The following SH3PXD2B variants were observed in gnomAD, a reference collection of about 807,000 sequenced individuals.
SH3PXD2B encodes the protein SH3 and PX domains 2B.
A neutral mutation model predicts 73.1 loss-of-function variants in SH3PXD2B; 37 were observed. The ratio of observed to expected loss-of-function variants is 0.51; its 90% CI spans 0.39 to 0.67. The LOEUF is 0.67. SH3PXD2B is among the 30% of genes least tolerant of loss of function. The pLI is 0.00. For synonymous variants in SH3PXD2B, 457 were observed against 480.5 expected, an observed-to-expected ratio of 0.95 and a Z score of 0.64; for missense variants, 1,053 against 1,197.8, an observed-to-expected ratio of 0.88 and a Z score of 1.78.
Position 172,338,799 on chromosome 5 carries a change from G to C in SH3PXD2B, c.2306C>G (p.Ser769Cys). The C allele has an allele frequency of 6.2e-7, 1 of 1,614,216 alleles. No individual in the cohort carries two copies. The highest frequency in any genetic ancestry group is 8.5e-7 in the Non-Finnish European group (1 of 1,180,028). ...PRRPPPPKKTSSSSRPLPEVR... is the reference protein window; with the variant it reads ...PRRPPPPKKTCSSSRPLPEVR... ...CTCTGGGAGCGGCCTGGATGACGAA[G>C]AGGTTTTCTTTGGGGGAGGTGGTCT... The change falls in exon 13 of 13, where the codon TCT (serine) becomes TGT (cysteine). Residue 769 changes from serine (S) to cysteine (C), a missense_variant. Transcript: ENST00000311601. The surrounding 1 kb of genome is among the most constrained non-coding windows in gnomAD (Gnocchi z 5.1).
chr5:172,441,709 C>A (rs143161048), intron 1 of SH3PXD2B, among the ~76,000 whole-genome samples: 1 of 152,204 alleles, frequency 6.6e-6, no homozygotes, highest in East Asian at 1.9e-4. Context: ...AATGCCCCAA[C>A]CGAATCCAGC....
At chr5:172,340,061 C>A in intron 12 of SH3PXD2B, 145 bp from the exon 13 acceptor site, 2 of 1,459,334 alleles carry the variant, frequency 1.4e-6, no homozygotes, top group Non-Finnish European at 1.9e-6. Context: ...ACAGGGACCA[C>A]CAATGGAGAT....
At chr5:172,399,824 T>G (rs1758387504) in intron 3 of SH3PXD2B, among the ~76,000 whole-genome samples, 1 of 152,230 alleles carries the variant, frequency 6.6e-6, no homozygotes, top group South Asian at 2.1e-4. Flanking sequence ...CACACTGATT[T>G]ACCTGCTACA....
chr5:172,392,617 T>TAA (rs1758216213), intron 4 of SH3PXD2B, among the ~76,000 whole-genome samples: 2 of 113,612 alleles, frequency 1.8e-5, no homozygotes, highest in African/African-American at 7.7e-5. Context: ...CTACTAAAAA[T>TAA]ACAAAAAAAA....
rs1304350597 is a variant in SH3PXD2B at position 172,374,923 on chromosome 5, T to A, written c.402-1108A>T. ...AACGATCCCAGGAAATAAGTATTAT[T>A]CTTATTCCCATTTTACAGACGAGGA... On this transcript the variant is annotated intron_variant, in intron 5 of 12. Transcript: ENST00000311601. Among the ~76,000 whole-genome samples the A allele has an allele frequency of 5.3e-5, 8 of 152,308 alleles. No individual in the cohort carries two copies. The East Asian group carries it at 1.3e-3, about 26-fold the overall frequency.
At chr5:172,380,624 G>A (rs1049942887) in intron 5 of SH3PXD2B, among the ~76,000 whole-genome samples, 4 of 152,290 alleles carry the variant, frequency 2.6e-5, no homozygotes, top group Middle Eastern at 3.4e-3. Flanking sequence ...CAGCACGAGC[G>A]AAACACCCCA....
At chr5:172,376,795 C>T (rs139778235) in intron 5 of SH3PXD2B, among the ~76,000 whole-genome samples, 1 of 152,220 alleles carries the variant, frequency 6.6e-6, no homozygotes, top group Non-Finnish European at 1.5e-5. Flanking sequence ...TCACTGCGTC[C>T]GCATACATCC....
chr5:172,428,051 C>T (rs1333839449), intron 1 of SH3PXD2B, among the ~76,000 whole-genome samples: 5 of 152,176 alleles, frequency 3.3e-5, no homozygotes, highest in African/African-American at 9.7e-5. Flanking sequence ...GCTGGGATTA[C>T]AGGCATGAGC....
chr5:172,329,672 G>A (rs1349280537), downstream of SH3PXD2B, among the ~76,000 whole-genome samples: 1 of 151,534 alleles, frequency 6.6e-6, no homozygotes, highest in Non-Finnish European at 1.5e-5. Context: ...CAAGTAGATG[G>A]GACTACAGGC....
Position 172,333,860 on chromosome 5 carries a change from C to T in SH3PXD2B, c.*4509G>A. On this transcript the variant is annotated 3_prime_UTR_variant, in exon 13 of 13. Transcript: ENST00000311601. The stretch of plus-strand genomic sequence containing the variant: ...TCAAGGTGGCCACAGTTTATCATCA[C>T]CCCTCTAAGTGAAAGGGGCGCTAAC... 1 of 1,282,846 alleles carries T rather than the reference C, an allele frequency of 7.8e-7. No individual in the cohort carries two copies. The highest frequency in any genetic ancestry group is 1.0e-6 in the Non-Finnish European group (1 of 987,308). 79.5% of individuals were successfully genotyped at this position (1,282,846 alleles called of 1,614,324 possible).
chr5:172,350,380 T>A lies in SH3PXD2B; in HGVS notation c.995A>T (p.Asp332Val). The A allele has an allele frequency of 1.3e-5, 21 of 1,613,706 alleles. No homozygotes were observed. Among genetic ancestry groups the A allele is most frequent in the Non-Finnish European group, 1.8e-5 (21 of 1,180,002 alleles). ...TCACTCACTCTGCTTGGCGTCACCGTCGGGCACCGGGCGGCCTTCAAACCG... is the reference window on the plus strand; with the variant it reads ...TCACTCACTCTGCTTGGCGTCACCGACGGGCACCGGGCGGCCTTCAAACCG... Reference protein sequence around the residue: ...DGRFEGRPVPDGDAKQRSPKM... With the variant: ...DGRFEGRPVPVGDAKQRSPKM... Residue 332 changes from aspartate to valine, a missense_variant, in exon 10 of 13, where the codon GAC (aspartate) becomes GTC (valine). Transcript: ENST00000311601.
Position 172,359,709 on chromosome 5 carries a change from C to A in SH3PXD2B, c.563-832G>T, listed in dbSNP as rs536237646. 3.9e-5 allele frequency among the ~76,000 whole-genome samples: 6 copies of A among 152,272 alleles called. No homozygotes were observed. In the South Asian group the frequency reaches 1.2e-3, roughly 32 times the overall value. ...CTGTGGGAGGGAGAATAATGACCCCCTCCCCACAAAGATGTCTGTGTTCGA... is the reference window on the plus strand; with the variant it reads ...CTGTGGGAGGGAGAATAATGACCCCATCCCCACAAAGATGTCTGTGTTCGA... On this transcript the variant is annotated intron_variant, in intron 7 of 12. Coordinates refer to ENST00000311601, the MANE Select transcript of SH3PXD2B (RefSeq NM_001017995.3).
chr5:172,416,023 A>C (rs2113451311), intron 2 of SH3PXD2B, among the ~76,000 whole-genome samples: 1 of 152,232 alleles, frequency 6.6e-6, no homozygotes, highest in Admixed American at 6.5e-5. Context: ...TTGGAAGGTG[A>C]ATCTTCATAA....
Position 172,339,415 on chromosome 5 carries a change from T to C in SH3PXD2B, c.1690A>G (p.Met564Val), listed in dbSNP as rs747957440. The change falls in exon 13 of 13, where the codon ATG becomes GTG. Residue 564 changes from methionine to valine, a missense_variant. Met to Val is a conservative substitution (Grantham distance 21, BLOSUM62 1). Around this residue, in one of 2 missense-constraint regions of SH3PXD2B, gnomAD observed 587 missense variants for 590.7 expected, o/e 0.99. Coordinates refer to ENST00000311601, the MANE Select transcript of SH3PXD2B (RefSeq NM_001017995.3). This position sits in a 1 kb window ranked among gnomAD's most constrained non-coding sequence, Gnocchi z 6.1. ...GCTGGAGGGATGTGTTTGGCTGGCATCATCGGCAAAATCACGCCCGGAGGC... is the reference window on the plus strand; with the variant it reads ...GCTGGAGGGATGTGTTTGGCTGGCACCATCGGCAAAATCACGCCCGGAGGC... ...PKPPGVILPMMPAKHIPPARD... is the reference protein window; with the variant it reads ...PKPPGVILPMVPAKHIPPARD... 1.9e-6 allele frequency: 3 copies of C among 1,614,206 alleles called. No homozygotes were observed. The highest frequency in any genetic ancestry group is 2.5e-6 in the Non-Finnish European group (3 of 1,180,034).
intron 3 of SH3PXD2B, among the ~76,000 whole-genome samples, chr5:172,396,065 A>G (rs1230645534): frequency 1.3e-5 from 2 of 152,048 alleles, no homozygotes; most frequent in African/African-American, 4.8e-5. Context: ...AGAAAAGTCT[A>G]GTAAGGATTG....
At chr5:172,371,356 T>G (rs1199313280) in intron 6 of SH3PXD2B, among the ~76,000 whole-genome samples, 2 of 152,190 alleles carry the variant, frequency 1.3e-5, no homozygotes, top group African/African-American at 4.8e-5. Flanking sequence ...TGAGCAGAAT[T>G]TGAGACCACA....
intron 1 of SH3PXD2B, among the ~76,000 whole-genome samples, chr5:172,425,255 T>C (rs114910983): frequency 1.3e-5 from 2 of 152,112 alleles, no homozygotes; most frequent in Admixed American, 6.5e-5. Context: ...ACCGACTGCA[T>C]GCCAGGCCCT....
At chr5:172,444,748 T>C (rs1759624872) in intron 1 of SH3PXD2B, among the ~76,000 whole-genome samples, 1 of 152,132 alleles carries the variant, frequency 6.6e-6, no homozygotes, top group African/African-American at 2.4e-5. Flanking sequence ...GATTCACCCA[T>C]GAAGGGCTCT....
intron 4 of SH3PXD2B, 93 bp downstream of exon 4, chr5:172,394,470 A>T: frequency 1.5e-6 from 2 of 1,365,548 alleles, no homozygotes; most frequent in Admixed American, 1.9e-5. Flanking sequence ...TGAATTGCAC[A>T]AATTTTTATT....
Sources: allele counts gnomAD v4.1 joint callset (sites outside exome capture counted in the v4.1 genomes callset), GRCh38; gene constraint gnomAD v4.1.1; regional missense constraint gnomAD v4.1.1; non-coding constraint Gnocchi (gnomAD v3.1); transcripts MANE v1.5; gene names NCBI Gene and HGNC (gene_info 2026-07-23, HGNC 2026-07-21).